The following GCN1 variants were observed in gnomAD, a reference collection of about 807,000 sequenced individuals.
GCN1 encodes GCN1 activator of EIF2AK4, also known as stalled ribosome sensor GCN1.
A neutral mutation model predicts 288.4 loss-of-function variants in GCN1; 90 were observed. The ratio of observed to expected loss-of-function variants is 0.31; its 90% CI spans 0.26 to 0.37. The LOEUF is 0.37. Among genes scored for constraint, GCN1 ranks in the 10% least tolerant of loss-of-function variants. The pLI is 1.00. For synonymous variants in GCN1, 1,386 were observed against 1,420.2 expected (o/e 0.98, Z 0.54); for missense variants, 2,586 against 3,419.9 (o/e 0.76, Z 6.08).
intron 57 of GCN1, among the ~76,000 whole-genome samples, chr12:120,128,570 C>T (rs191155536): frequency 9.9e-5 from 15 of 152,044 alleles, no homozygotes; most frequent in Non-Finnish European, 1.9e-4. Context: ...TCCTGACCTC[C>T]GGTGATCCGC....
Position 120,166,904 on chromosome 12 carries a change from C to T in GCN1, c.1612+1304G>A, listed in dbSNP as rs144967213. On this transcript the variant is annotated intron_variant, in intron 16 of 57. Coordinates refer to ENST00000300648, the MANE Select transcript of GCN1 (RefSeq NM_006836.2). ...TGGTGTGCACCTGTAGTCCCAGCTA[C>T]TCAGGAAGCTGAGGTGGGAGGACCA... Among the ~76,000 whole-genome samples the T allele has an allele frequency of 2.1e-3, 321 of 151,782 alleles. 7 individuals are homozygous for T. The highest frequency in any genetic ancestry group is 4.8e-3 in the South Asian group (23 of 4,814).
In GCN1 at chr12:120,173,674, A is replaced by C. The variant is rs1001720284; in HGVS notation, c.1345T>G (p.Cys449Gly). 6.2e-7 allele frequency: 1 copy of C among 1,610,254 alleles called. No homozygotes were observed. The highest frequency in any genetic ancestry group is 8.5e-7 in the Non-Finnish European group (1 of 1,176,540). Residue 449 changes from cysteine to glycine, a missense_variant, in exon 14 of 58, where the codon TGC becomes GGC. Around this residue, in one of 8 missense-constraint regions of GCN1, gnomAD observed 913 missense variants for 1,107.0 expected, o/e 0.82. Coordinates refer to ENST00000300648, the MANE Select transcript of GCN1 (RefSeq NM_006836.2). ...TTACCCCGGTAAGAGGCCAACATGC[A>C]CTGCAGGTAGGCATGCCTCACCGCA... ...TSAVRHAYLQ[C>G]MLASYRGDTL...
intron 16 of GCN1, among the ~76,000 whole-genome samples, chr12:120,165,559 C>T (rs1266292344): frequency 6.6e-6 from 1 of 152,122 alleles, no homozygotes; most frequent in African/African-American, 2.4e-5. Context: ...CCTCCGCCTC[C>T]CAGGTTCAAC....
In GCN1 at chr12:120,184,902, TAC is replaced by T. The variant is rs1351254081; in HGVS notation, c.122-17_122-16del. The T allele has an allele frequency of 1.3e-6, 2 of 1,584,410 alleles. No homozygotes were observed. The highest frequency in any genetic ancestry group is 3.3e-5 in the Admixed American group (2 of 59,958). ...CTCTGGAAGATCTGAAACCAGAGAT[TAC>T]ACAGACAGCGGTCAATAAAAATCAC... On this transcript the variant is annotated splice_polypyrimidine_tract_variant and intron_variant, in intron 2 of 57. Transcript: ENST00000300648.
chr12:120,142,797 C>T lies in GCN1; in HGVS notation c.5613+27G>A. The T allele has an allele frequency of 6.3e-7, 1 of 1,591,472 alleles. No homozygotes were observed. The highest frequency in any genetic ancestry group is 8.6e-7 in the Non-Finnish European group (1 of 1,159,338). On this transcript the variant is annotated intron_variant, in intron 43 of 57. Transcript: ENST00000300648. The surrounding 1 kb of genome is among the most constrained non-coding windows in gnomAD (Gnocchi z 4.9). ...GCATCAGGGCACACCCTACCATCAG[C>T]AGGGGCAGGAAAGCCACTGCAGGCA...
In GCN1 at chr12:120,153,496, T is replaced by C; in HGVS notation, c.3868-89A>G. ...CCCTGCCCTGAGGACCAAGACCAAG[T>C]CTAGCTCTGGGACAGGCATCCTGAC... On this transcript the variant is annotated intron_variant, in intron 32 of 57. Coordinates refer to ENST00000300648, the MANE Select transcript of GCN1 (RefSeq NM_006836.2). This position sits in a 1 kb window ranked among gnomAD's most constrained non-coding sequence, Gnocchi z 4.4. The C allele has an allele frequency of 8.2e-7, 1 of 1,223,214 alleles. No individual in the cohort carries two copies. Among genetic ancestry groups the C allele is most frequent in the Non-Finnish European group, 1.1e-6 (1 of 869,924 alleles). 75.8% of individuals were successfully genotyped at this position (1,223,214 alleles called of 1,614,324 possible).
intron 22 of GCN1, 40 bp from the exon 23 acceptor site, chr12:120,160,295 G>A (rs377309060): frequency 2.2e-6 from 3 of 1,357,214 alleles, no homozygotes; most frequent in Non-Finnish European, 3.2e-6. Flanking sequence ...CATCTCCAGG[G>A]AACAGACCTC....
rs541071679 is a variant in GCN1, at chr12:120,128,057, T to C, written c.7891-83A>G. ...CCAATTGGAGAAAGACAAAAATGAA[T>C]GTTAACCCCAGAACTAGAGACACTG... On this transcript the variant is annotated intron_variant, in intron 57 of 57. Transcript: ENST00000300648. 3 of 1,481,696 alleles carry C rather than the reference T, an allele frequency of 2.0e-6. No homozygotes were observed. In the East Asian group the frequency reaches 6.8e-5, roughly 34 times the overall value. 91.8% of individuals were successfully genotyped at this position (1,481,696 alleles called of 1,614,324 possible). A position where few individuals can be genotyped will look rare whatever the true frequency, so the allele number is the denominator to read the frequency against.
intron 53 of GCN1, among the ~76,000 whole-genome samples, chr12:120,133,819 C>T (rs1227994735): frequency 2.0e-5 from 3 of 152,134 alleles, no homozygotes; most frequent in Non-Finnish European, 4.4e-5. Context: ...CTGTTAATCC[C>T]AGCACTTTCG....
intron 19 of GCN1, 41 bp downstream of exon 19, chr12:120,163,029 C>G: frequency 6.2e-7 from 1 of 1,613,464 alleles, no homozygotes; most frequent in Non-Finnish European, 8.5e-7. Flanking sequence ...ACCCCATCCC[C>G]TAAAGCTCTG....
At chr12:120,183,791 G>T in intron 4 of GCN1, 114 bp from the exon 5 acceptor site, 1 of 682,852 alleles carries the variant, frequency 1.5e-6, no homozygotes, top group Non-Finnish European at 2.6e-6. Context: ...TCATGGAACA[G>T]AACTTGAAAC....
chr12:120,151,410 G>T lies in GCN1; in HGVS notation c.4063-19C>A, dbSNP rs1877549386. On this transcript the variant is annotated intron_variant, in intron 33 of 57. Coordinates refer to ENST00000300648, the MANE Select transcript of GCN1 (RefSeq NM_006836.2). ...CCTGGACCTGGGGAAGGGCCCACCT[G>T]TCAATGCTGTGGCTCCGCTGCAGCC... 3 of 1,611,738 alleles carry T rather than the reference G, an allele frequency of 1.9e-6. No homozygotes were observed. In the East Asian group the frequency reaches 6.7e-5, roughly 36 times the overall value.
Position 120,153,203 on chromosome 12 carries a change from T to A in GCN1, c.4062+10A>T, listed in dbSNP as rs752663303. 9.3e-6 allele frequency: 15 copies of A among 1,612,240 alleles called. No individual in the cohort carries two copies. Among genetic ancestry groups the A allele is most frequent in the Non-Finnish European group, 1.3e-5 (15 of 1,178,556 alleles). On this transcript the variant is annotated intron_variant, in intron 33 of 57. Coordinates refer to ENST00000300648, the MANE Select transcript of GCN1 (RefSeq NM_006836.2). This position sits in a 1 kb window ranked among gnomAD's most constrained non-coding sequence, Gnocchi z 4.4. ...ACCGACATGTGGGTCCCAGGCCAGA[T>A]GGCAGGTACCTGCTGGGAGGGGGTG...
rs147616985 is a variant in GCN1, at chr12:120,142,588, G to A, written c.5748C>T (p.Pro1916=). 6.2e-7 allele frequency: 1 copy of A among 1,614,058 alleles called. No homozygotes were observed. The highest frequency in any genetic ancestry group is 1.1e-5 in the South Asian group (1 of 91,084). Residue 1916 remains proline (P), a synonymous_variant, in exon 44 of 58, where the codon CCC becomes CCT. Transcript: ENST00000300648. This position sits in a 1 kb window ranked among gnomAD's most constrained non-coding sequence, Gnocchi z 4.9. ...TGGGTAGGATCTCACGCAAGGTGCGGGGGGTATTGGAGACAACAATCTTCC... is the reference window on the plus strand; with the variant it reads ...TGGGTAGGATCTCACGCAAGGTGCGAGGGGTATTGGAGACAACAATCTTCC... ...HVWKIVVSNT[P]RTLREILPTL...
rs750201105 is a variant in GCN1, at chr12:120,157,966, C to T, written c.2970G>A (p.Thr990=). The T allele has an allele frequency of 4.3e-6, 7 of 1,613,896 alleles. No homozygotes were observed. The highest frequency in any genetic ancestry group is 1.3e-5 in the African/African-American group (1 of 74,946). The change falls in exon 26 of 58, where the codon ACG becomes ACA. Residue 990 remains threonine (T), a synonymous_variant. Coordinates refer to ENST00000300648, the MANE Select transcript of GCN1 (RefSeq NM_006836.2). ...LVFPFLKMVL[T]EMPHHSEEEE... is the part of the protein sequence containing the mutation. ...CCTCCTCACTGTGGTGGGGCATCTC[C>T]GTCAGCACCATCTTCAGAAACGGGA...
At chr12:120,182,209 T>A (rs547842112) in intron 5 of GCN1, among the ~76,000 whole-genome samples, 12 of 151,850 alleles carry the variant, frequency 7.9e-5, no homozygotes, top group African/African-American at 2.7e-4. Context: ...GCCAATGAGC[T>A]TGCCCCTTCT....
Position 120,164,337 on chromosome 12 carries a change from T to C in GCN1, c.1847A>G (p.Lys616Arg), listed in dbSNP as rs1408156830. 1 of 1,612,368 alleles carries C rather than the reference T, an allele frequency of 6.2e-7. No individual in the cohort carries two copies. The change falls in exon 18 of 58, where the codon AAG becomes AGG. Residue 616 changes from lysine (K) to arginine (R), a missense_variant and splice_region_variant. Lys to Arg is a conservative substitution (Grantham distance 26). Coordinates refer to ENST00000300648, the MANE Select transcript of GCN1 (RefSeq NM_006836.2). The part of the protein sequence containing the change: ...EELKTVLSSH[K>R]VLPLEALVTD... ...GTTCTAGAGCCCAGATGCCCTCACC[T>C]TGTGAGAACTGAGGACAGTCTTCAG...
chr12:120,127,960 G>A lies in GCN1; in HGVS notation c.7905C>T (p.Ile2635=), dbSNP rs1228485307. 6.2e-7 allele frequency: 1 copy of A among 1,614,066 alleles called. No individual in the cohort carries two copies. Among genetic ancestry groups the A allele is most frequent in the East Asian group, 2.2e-5 (1 of 44,876 alleles). The stretch of plus-strand genomic sequence containing the variant: ...GCACCTCCAAACTGGCCACATCCAG[G>A]ATCTTGGAGAGGGACTGTGGGGAAG... The part of the protein sequence containing the change: ...GEEVFQSLSK[I]LDVASLEVLN... Residue 2635 remains isoleucine, a synonymous_variant, in exon 58 of 58, where the codon ATC becomes ATT. Coordinates refer to ENST00000300648, the MANE Select transcript of GCN1 (RefSeq NM_006836.2).
chr12:120,130,290 G>A (rs1188027213), intron 56 of GCN1, among the ~76,000 whole-genome samples: 1 of 152,158 alleles, frequency 6.6e-6, no homozygotes, highest in African/African-American at 2.4e-5. Context: ...AAGAAGTGCT[G>A]GGCCAACTAG....
Sources: gnomAD v4.1 joint callset for allele counts (sites outside exome capture counted in the v4.1 genomes callset) on GRCh38, gnomAD v4.1.1 for gene constraint, gnomAD v4.1.1 regional missense constraint, Gnocchi (gnomAD v3.1) non-coding constraint, MANE v1.5 for transcripts, NCBI Gene and HGNC (gene_info 2026-07-23, HGNC 2026-07-21) for gene names.